The following PUM3 variants were observed in gnomAD, a reference collection of about 807,000 sequenced individuals.
The protein encoded by PUM3 is pumilio RNA binding family member 3, also known as pumilio homolog 3.
A neutral mutation model predicts 84.0 loss-of-function variants in PUM3; 91 were observed. That is an observed-to-expected ratio of 1.08 (90% CI 0.91 to 1.29). PUM3 has a LOEUF of 1.29. Among genes scored for constraint, PUM3 ranks in the 50% most tolerant of loss-of-function variants. PUM3 has a pLI of 0.00. For missense variants in PUM3, 1,067 were observed against 767.5 expected, an observed-to-expected ratio of 1.39 and a Z score of -4.61; for synonymous variants, 321 against 266.7, an observed-to-expected ratio of 1.20 and a Z score of -1.98.
chr9:2,840,010 GA>G (rs1816227205), intron 1 of PUM3, among the ~76,000 whole-genome samples: 1 of 152,118 alleles, frequency 6.6e-6, no homozygotes, highest in East Asian at 1.9e-4. Context: ...AGGATACACT[GA>G]ATCTGGCCAT....
intron 7 of PUM3, among the ~76,000 whole-genome samples, chr9:2,830,324 T>C (rs1815941797): frequency 6.6e-6 from 1 of 152,218 alleles, no homozygotes; most frequent in Non-Finnish European, 1.5e-5. Context: ...GTCAACTGCA[T>C]ATATTACACT....
At chr9:2,835,843 T>C (rs1185693542) in intron 3 of PUM3, among the ~76,000 whole-genome samples, 1 of 152,174 alleles carries the variant, frequency 6.6e-6, no homozygotes, top group Non-Finnish European at 1.5e-5. Context: ...CATTTTGAGA[T>C]ATCAGGAACA....
intron 1 of PUM3, among the ~76,000 whole-genome samples, chr9:2,841,731 G>T (rs1586730712): frequency 6.8e-6 from 1 of 147,004 alleles, no homozygotes; most frequent in Non-Finnish European, 1.5e-5. Flanking sequence ...AAAAAAAAAA[G>T]GTTCTTAGAT....
At chr9:2,832,664 G>A (rs1156588117) in intron 5 of PUM3, among the ~76,000 whole-genome samples, 3 of 152,118 alleles carry the variant, frequency 2.0e-5, no homozygotes, top group Non-Finnish European at 2.9e-5. Flanking sequence ...CAGTCCTATC[G>A]TAAAAAGATC....
rs771662889 is a variant in PUM3 at position 2,823,673 on chromosome 9, A to G, written c.1188+108T>C. The G allele has an allele frequency of 5.5e-5, 28 of 506,678 alleles. No individual in the cohort carries two copies. The Admixed American group carries it at 9.1e-4, about 17-fold the overall frequency. 31.4% of individuals were successfully genotyped at this position (506,678 alleles called of 1,614,324 possible). A position where few individuals can be genotyped will look rare whatever the true frequency, so the allele number is the denominator to read the frequency against. ...ATGCAAAGAAAAATATAATAAAACA[A>G]TAATTTTCTGCTTGGTAATTTTCTG... On this transcript the variant is annotated intron_variant, in intron 12 of 17. Coordinates refer to ENST00000397885, the MANE Select transcript of PUM3 (RefSeq NM_014878.5).
At chr9:2,834,194 T>A (rs776494877) in intron 3 of PUM3, 28 bp from the exon 4 acceptor site, 1 of 1,591,226 alleles carries the variant, frequency 6.3e-7, no homozygotes, top group Non-Finnish European at 8.6e-7. Context: ...TATTTTCAAT[T>A]ACATTTAACA....
intron 3 of PUM3, among the ~76,000 whole-genome samples, chr9:2,834,830 A>C (rs1031915631): frequency 1.9e-5 from 2 of 106,566 alleles, no homozygotes; most frequent in African/African-American, 6.2e-5. Flanking sequence ...ATAAAAGTCG[A>C]ATATCTATCA....
At chr9:2,828,892 CA>C (rs1256340798) in intron 8 of PUM3, 114 bp from the exon 9 acceptor site, 4 of 688,484 alleles carry the variant, frequency 5.8e-6, no homozygotes, top group African/African-American at 5.5e-5. Context: ...TAAGATTTCC[CA>C]TATTTACATA....
rs374981902 is a variant in PUM3 at position 2,834,071 on chromosome 9, T to A, written c.400A>T (p.Ile134Phe). The change falls in exon 4 of 18, where the codon ATT (isoleucine) becomes TTT (phenylalanine). Residue 134 changes from isoleucine (I) to phenylalanine (F), a missense_variant. Physicochemically the swap from Ile to Phe is conservative, Grantham distance 21. Transcript: ENST00000397885. ...CACATCTGCTTTGCCCGAACAACAA[T>A]GTCATAGTTGGTTTTATCACTGAGT... ...RQLSDKTNYDIVVRAKQMWEI... is the reference protein window; with the variant it reads ...RQLSDKTNYDFVVRAKQMWEI... 1 of 1,613,744 alleles carries A rather than the reference T, an allele frequency of 6.2e-7. No homozygotes were observed. Among genetic ancestry groups the A allele is most frequent in the Non-Finnish European group, 8.5e-7 (1 of 1,179,770 alleles).
intron 16 of PUM3, among the ~76,000 whole-genome samples, chr9:2,809,138 C>CA (rs1347443849): frequency 6.6e-6 from 1 of 152,112 alleles, no homozygotes; most frequent in Non-Finnish European, 1.5e-5. Context: ...GGGCAGGCTC[C>CA]ACCAGACCCT....
chr9:2,830,639 G>A (rs970203584), intron 7 of PUM3, among the ~76,000 whole-genome samples: 2 of 152,154 alleles, frequency 1.3e-5, no homozygotes, highest in Non-Finnish European at 2.9e-5. Context: ...GTGCTTATCT[G>A]TTGCTCACTC....
chr9:2,821,194 C>T (rs1821581174), intron 12 of PUM3, among the ~76,000 whole-genome samples: 2 of 152,072 alleles, frequency 1.3e-5, no homozygotes, highest in African/African-American at 4.8e-5. Context: ...CCTGTAATCC[C>T]AGCACTTTGG....
intron 11 of PUM3, among the ~76,000 whole-genome samples, chr9:2,824,406 T>A (rs1815750418): frequency 6.6e-6 from 1 of 152,158 alleles, no homozygotes; most frequent in Non-Finnish European, 1.5e-5. Context: ...AGTATGATCA[T>A]TAAAAGAGGA....
At chr9:2,809,164 T>C (rs1821317086) in intron 16 of PUM3, among the ~76,000 whole-genome samples, 1 of 152,180 alleles carries the variant, frequency 6.6e-6, no homozygotes, top group Admixed American at 6.5e-5. Flanking sequence ...AGTCATTGTT[T>C]TGAAAACTAC....
intron 1 of PUM3, among the ~76,000 whole-genome samples, 163 bp downstream of exon 1, chr9:2,843,882 C>T (rs1816335486): frequency 6.6e-6 from 1 of 152,128 alleles, no homozygotes. Context: ...CCGGCCAGTC[C>T]CGCCCTTCTT....
chr9:2,813,525 G>A (rs897831876), intron 13 of PUM3, among the ~76,000 whole-genome samples: 2 of 152,204 alleles, frequency 1.3e-5, no homozygotes, highest in African/African-American at 4.8e-5. Context: ...CAGTGGCAGT[G>A]TCCTGGTCCT....
intron 15 of PUM3, among the ~76,000 whole-genome samples, chr9:2,810,796 T>C (rs887941444): frequency 3.3e-5 from 5 of 152,298 alleles, no homozygotes; most frequent in East Asian, 1.9e-4. Context: ...CAGAACACTA[T>C]AGCACAAACA....
intron 8 of PUM3, 128 bp downstream of exon 8, chr9:2,829,646 G>A (rs1815918061): frequency 2.7e-6 from 2 of 745,946 alleles, no homozygotes; most frequent in East Asian, 2.5e-5. Context: ...AAAATCAAGG[G>A]CATAAGATGG....
At chr9:2,811,649 C>G in intron 14 of PUM3, 66 bp from the exon 15 acceptor site, 1 of 1,166,834 alleles carries the variant, frequency 8.6e-7, no homozygotes, top group Non-Finnish European at 1.3e-6. Flanking sequence ...GTGATATTAT[C>G]ACAAAAACCT....
Sources: gnomAD v4.1 joint callset for allele counts (sites outside exome capture counted in the v4.1 genomes callset) on GRCh38, gnomAD v4.1.1 for gene constraint, MANE v1.5 for transcripts, NCBI Gene and HGNC (gene_info 2026-07-23, HGNC 2026-07-21) for gene names.